PCDHB11: variants seen among roughly 807,000 people sequenced by gnomAD.
The protein encoded by PCDHB11 is protocadherin beta-11.
For missense variants in PCDHB11, 1,151 were observed against 1,003.4 expected (o/e 1.15, Z -1.99); for synonymous variants, 522 against 442.0 (o/e 1.18, Z -2.27).
chr5:141,201,883 C>T lies in PCDHB11; in HGVS notation c.2109C>T (p.Phe703=), dbSNP rs142976572. 7.8e-5 allele frequency: 126 copies of T among 1,612,372 alleles called. 1 individual carries two copies. Among genetic ancestry groups the T allele is most frequent in the Middle Eastern group, 1.8e-4 (1 of 5,564 alleles). Residue 703 remains phenylalanine, a synonymous_variant, in exon 1 of 1, where the codon TTC becomes TTT. Coordinates refer to ENST00000354757, the MANE Select transcript of PCDHB11 (RefSeq NM_018931.3). ...ALASVSSLFL[F]SVLLFVAVRL... is the part of the protein sequence containing the mutation. Reference sequence around the variant, plus strand: ...CCTCGGTGTCTTCGCTCTTCCTCTTCTCGGTGCTCCTGTTCGTGGCGGTGC... The same window carrying T: ...CCTCGGTGTCTTCGCTCTTCCTCTTTTCGGTGCTCCTGTTCGTGGCGGTGC...
rs1754139328 is a variant in PCDHB11 at position 141,200,312 on chromosome 5, A to G, written c.538A>G (p.Ile180Val). 6.2e-7 allele frequency: 1 copy of G among 1,614,204 alleles called. No homozygotes were observed. Among genetic ancestry groups the G allele is most frequent in the Non-Finnish European group, 8.5e-7 (1 of 1,180,034 alleles). Residue 180 changes from isoleucine to valine, a missense_variant, in exon 1 of 1, where the codon ATT becomes GTT. Transcript: ENST00000354757. ...YTISPNSHFHIKMRVIPDNRK... is the reference protein window; with the variant it reads ...YTISPNSHFHVKMRVIPDNRK... ...AATAAGCCCCAACTCTCATTTTCAC[A>G]TTAAAATGAGAGTCATTCCAGACAA...
Position 141,201,785 on chromosome 5 carries a change from C to T in PCDHB11, c.2011C>T (p.Leu671=). The change falls in exon 1 of 1, where the codon CTG becomes TTG. Residue 671 remains leucine, a synonymous_variant. Coordinates refer to ENST00000354757, the MANE Select transcript of PCDHB11 (RefSeq NM_018931.3). ...GGTGGACGGCTTCTCCCAGCCCTAC[C>T]TGCCGCTCCCTGAGGCGGCACCGGC... The part of the protein sequence containing the change: ...LLVDGFSQPY[L]PLPEAAPAQA... 6.2e-7 allele frequency: 1 copy of T among 1,610,006 alleles called. No homozygotes were observed. The highest frequency in any genetic ancestry group is 8.5e-7 in the Non-Finnish European group (1 of 1,179,782).
In PCDHB11 at chr5:141,201,807, C is replaced by G. The variant is rs141800205; in HGVS notation, c.2033C>G (p.Pro678Arg). The stretch of plus-strand genomic sequence containing the variant: ...TACCTGCCGCTCCCTGAGGCGGCAC[C>G]GGCCCAGGCCCAGGCCGACTCGCTC... Reference protein sequence around the residue: ...QPYLPLPEAAPAQAQADSLTV... With the variant: ...QPYLPLPEAARAQAQADSLTV... Residue 678 changes from proline to arginine, a missense_variant, in exon 1 of 1, where the codon CCG becomes CGG. By Grantham distance (103) the Pro-to-Arg change is moderately radical. Transcript: ENST00000354757. 6.2e-7 allele frequency: 1 copy of G among 1,610,424 alleles called. No homozygotes were observed. The highest frequency in any genetic ancestry group is 8.5e-7 in the Non-Finnish European group (1 of 1,179,810).
Position 141,201,254 on chromosome 5 carries a change from C to G in PCDHB11, c.1480C>G (p.Gln494Glu), listed in dbSNP as rs782744497. The change falls in exon 1 of 1, where the codon CAG (glutamine) becomes GAG (glutamate). Residue 494 changes from glutamine (Q) to glutamate (E), a missense_variant. Coordinates refer to ENST00000354757, the MANE Select transcript of PCDHB11 (RefSeq NM_018931.3). The stretch of plus-strand genomic sequence containing the variant: ...GGTCAACTACTCGCTACTCCCGCCC[C>G]AGGACCTGCACCTGCCCCTCGCCTC... ...AQVNYSLLPP[Q>E]DLHLPLASLV... 2.5e-6 allele frequency: 4 copies of G among 1,613,396 alleles called. No individual in the cohort carries two copies. Among genetic ancestry groups the G allele is most frequent in the Non-Finnish European group, 3.4e-6 (4 of 1,180,046 alleles).
chr5:141,202,189 G>T lies in PCDHB11; in HGVS notation c.*21G>T, dbSNP rs368764703. ...TTTAGTAAGAATGCTATTTACATTT[G>T]CATGTACTTTTTTAGTTTTATGTAA... On this transcript the variant is annotated 3_prime_UTR_variant, in exon 1 of 1. Transcript: ENST00000354757. 7.7e-6 allele frequency: 12 copies of T among 1,560,968 alleles called. No homozygotes were observed. The highest frequency in any genetic ancestry group is 2.3e-5 in the East Asian group (1 of 44,342).
rs1487929044 is a variant in PCDHB11 at position 141,203,514 on chromosome 5, A to G, written c.*1346A>G. ...ATTTATTCATTTAAAAAGCCACATC[A>G]TCTAGTTCTAAATCACAGCATTTAA... On this transcript the variant is annotated 3_prime_UTR_variant, in exon 1 of 1. Transcript: ENST00000354757. The G allele has an allele frequency of 2.0e-5, 3 of 152,196 alleles. No individual in the cohort carries two copies. The highest frequency in any genetic ancestry group is 4.4e-5 in the Non-Finnish European group (3 of 68,026). The allele number at this position is 152,196 out of a possible 1,614,324, so 9.4% of individuals were successfully genotyped here. A position where few individuals can be genotyped will look rare whatever the true frequency, so the allele number is the denominator to read the frequency against.
chr5:141,199,890 T>C lies in PCDHB11; in HGVS notation c.116T>C (p.Met39Thr), dbSNP rs781792515. 1 of 1,614,086 alleles carries C rather than the reference T, an allele frequency of 6.2e-7. No individual in the cohort carries two copies. Among genetic ancestry groups the C allele is most frequent in the Non-Finnish European group, 8.5e-7 (1 of 1,180,016 alleles). ...TGGAGCTTTTCTGTGGCAGAAGAAA[T>C]GCAGAGCGGGAGTTTTGTAGGCAAT... is the stretch of plus-strand genomic sequence containing the variant. ...ETWSFSVAEE[M>T]QSGSFVGNLA... Residue 39 changes from methionine (M) to threonine (T), a missense_variant, in exon 1 of 1, where the codon ATG becomes ACG. By Grantham distance (81) the Met-to-Thr change is moderately conservative (BLOSUM62 -1). Transcript: ENST00000354757.
rs1754188388 is a variant in PCDHB11, at chr5:141,201,465, C to T, written c.1691C>T (p.Pro564Leu). 2 of 1,610,566 alleles carry T rather than the reference C, an allele frequency of 1.2e-6. No individual in the cohort carries two copies. The highest frequency in any genetic ancestry group is 1.3e-5 in the African/African-American group (1 of 74,868). Residue 564 changes from proline to leucine, a missense_variant, in exon 1 of 1, where the codon CCG (proline) becomes CTG (leucine). By Grantham distance (98) the Pro-to-Leu change is moderately conservative. Coordinates refer to ENST00000354757, the MANE Select transcript of PCDHB11 (RefSeq NM_018931.3). ...ANDNSPFVLY[P>L]LQNGSAPCTE... ...GACAACTCGCCCTTCGTGCTGTACC[C>T]GCTGCAGAACGGCTCCGCGCCCTGC...
rs1754192195 is a variant in PCDHB11, at chr5:141,201,562, G to C, written c.1788G>C (p.Ser596=). 3 of 1,608,572 alleles carry C rather than the reference G, an allele frequency of 1.9e-6. No individual in the cohort carries two copies. The highest frequency in any genetic ancestry group is 2.5e-6 in the Non-Finnish European group (3 of 1,179,222). Residue 596 remains serine (S), a synonymous_variant, in exon 1 of 1, where the codon TCG becomes TCC. Transcript: ENST00000354757. The part of the protein sequence containing the change: ...VTKVVAVDGD[S]GQNAWLSYQL... ...AGGTGGTGGCGGTGGACGGCGACTC[G>C]GGCCAGAACGCCTGGCTGTCGTACC...
chr5:141,201,394 T>C lies in PCDHB11; in HGVS notation c.1620T>C (p.Ala540=). The stretch of plus-strand genomic sequence containing the variant: ...GCGCCACAGACCGCGGCTCCCCGGC[T>C]TTGAGCAGCGAGGCGCTGGTGCGCG... ...RVGATDRGSP[A]LSSEALVRVL... is the part of the protein sequence containing the mutation. The change falls in exon 1 of 1, where the codon GCT becomes GCC. Residue 540 remains alanine (A), a synonymous_variant. Coordinates refer to ENST00000354757, the MANE Select transcript of PCDHB11 (RefSeq NM_018931.3). 1.3e-6 allele frequency: 2 copies of C among 1,574,270 alleles called. No homozygotes were observed. Among genetic ancestry groups the C allele is most frequent in the Non-Finnish European group, 1.7e-6 (2 of 1,157,782 alleles).
Position 141,202,191 on chromosome 5 carries a change from A to G in PCDHB11, c.*23A>G. 1 of 1,558,266 alleles carries G rather than the reference A, an allele frequency of 6.4e-7. No homozygotes were observed. Among genetic ancestry groups the G allele is most frequent in the South Asian group, 1.2e-5 (1 of 81,924 alleles). On this transcript the variant is annotated 3_prime_UTR_variant, in exon 1 of 1. Coordinates refer to ENST00000354757, the MANE Select transcript of PCDHB11 (RefSeq NM_018931.3). ...TAGTAAGAATGCTATTTACATTTGC[A>G]TGTACTTTTTTAGTTTTATGTAACC...
Position 141,200,272 on chromosome 5 carries a change from T to C in PCDHB11, c.498T>C (p.Ala166=). The C allele has an allele frequency of 3.7e-6, 6 of 1,614,202 alleles. No individual in the cohort carries two copies. The highest frequency in any genetic ancestry group is 2.2e-5 in the East Asian group (1 of 44,874). ...SAKDLDVGIN[A]VKSYTISPNS... ...AGGATTTAGATGTAGGAATCAATGCTGTAAAAAGCTACACAATAAGCCCCA... is the reference window on the plus strand; with the variant it reads ...AGGATTTAGATGTAGGAATCAATGCCGTAAAAAGCTACACAATAAGCCCCA... Residue 166 remains alanine (A), a synonymous_variant, in exon 1 of 1, where the codon GCT becomes GCC. Transcript: ENST00000354757.
In PCDHB11 at chr5:141,200,823, C is replaced by T. The variant is rs137981440; in HGVS notation, c.1049C>T (p.Ser350Leu). 41 of 1,614,050 alleles carry T rather than the reference C, an allele frequency of 2.5e-5. No homozygotes were observed. Among genetic ancestry groups the T allele is most frequent in the African/African-American group, 1.3e-5 (1 of 74,912 alleles). ...GACAATGCTCCTGAAATCACTGTGTCATCAATTACCAGTCCAATCCCAGAA... is the reference window on the plus strand; with the variant it reads ...GACAATGCTCCTGAAATCACTGTGTTATCAATTACCAGTCCAATCCCAGAA... Reference protein sequence around the residue: ...VNDNAPEITVSSITSPIPENT... With the variant: ...VNDNAPEITVLSITSPIPENT... The change falls in exon 1 of 1, where the codon TCA (serine) becomes TTA (leucine). Residue 350 changes from serine (S) to leucine (L), a missense_variant. Physicochemically the swap from Ser to Leu is moderately radical, Grantham distance 145 (BLOSUM62 -2). Coordinates refer to ENST00000354757, the MANE Select transcript of PCDHB11 (RefSeq NM_018931.3).
chr5:141,200,395 G>A lies in PCDHB11; in HGVS notation c.621G>A (p.Glu207=), dbSNP rs782505991. Residue 207 remains glutamate, a synonymous_variant, in exon 1 of 1, where the codon GAG becomes GAA. Transcript: ENST00000354757. The stretch of plus-strand genomic sequence containing the variant: ...CGCTGGATTATGAAGAGCTCCCGGA[G>A]CTCAGTTTCATCCTCTCTGCTCTGG... ...DKALDYEELP[E]LSFILSALDG... 2 of 1,614,176 alleles carry A rather than the reference G, an allele frequency of 1.2e-6. No homozygotes were observed. Among genetic ancestry groups the A allele is most frequent in the Admixed American group, 1.7e-5 (1 of 60,022 alleles).
At position 141,202,778 on chromosome 5, in the gene PCDHB11, C is replaced by T. The variant is rs1182866549; in HGVS notation, c.*610C>T. ...AGGCGTGCGCCACCATGCCCGGCTACTTCTTGTATTTTTTGTAGAGACGGA... is the reference window on the plus strand; with the variant it reads ...AGGCGTGCGCCACCATGCCCGGCTATTTCTTGTATTTTTTGTAGAGACGGA... On this transcript the variant is annotated 3_prime_UTR_variant, in exon 1 of 1. Coordinates refer to ENST00000354757, the MANE Select transcript of PCDHB11 (RefSeq NM_018931.3). 2.0e-5 allele frequency: 3 copies of T among 152,058 alleles called. No individual in the cohort carries two copies. Among genetic ancestry groups the T allele is most frequent in the East Asian group, 1.9e-4 (1 of 5,142 alleles). 9.4% of individuals were successfully genotyped at this position (152,058 alleles called of 1,614,324 possible). A position where few individuals can be genotyped will look rare whatever the true frequency, so the allele number is the denominator to read the frequency against.
chr5:141,201,986 G>T lies in PCDHB11; in HGVS notation c.2212G>T (p.Asp738Tyr), dbSNP rs1457908437. Residue 738 changes from aspartate (D) to tyrosine (Y), a missense_variant, in exon 1 of 1, where the codon GAC becomes TAC. Coordinates refer to ENST00000354757, the MANE Select transcript of PCDHB11 (RefSeq NM_018931.3). ...PKGPFPGHLV[D>Y]VSGTGTLSQS... The stretch of plus-strand genomic sequence containing the variant: ...GGGCCCCTTTCCAGGGCATCTGGTG[G>T]ACGTGAGCGGCACCGGGACCCTTTC... 1 of 1,614,068 alleles carries T rather than the reference G, an allele frequency of 6.2e-7. No homozygotes were observed. Among genetic ancestry groups the T allele is most frequent in the Non-Finnish European group, 8.5e-7 (1 of 1,180,034 alleles).
At position 141,199,878 on chromosome 5, in the gene PCDHB11, T is replaced by A. The variant is rs1400355531; in HGVS notation, c.104T>A (p.Val35Glu). Reference sequence around the variant, plus strand: ...GGCTCTGAAACCTGGAGCTTTTCTGTGGCAGAAGAAATGCAGAGCGGGAGT... The same window carrying A: ...GGCTCTGAAACCTGGAGCTTTTCTGAGGCAGAAGAAATGCAGAGCGGGAGT... ...QAGSETWSFS[V>E]AEEMQSGSFV... Residue 35 changes from valine (V) to glutamate (E), a missense_variant, in exon 1 of 1, where the codon GTG (valine) becomes GAG (glutamate). Physicochemically the swap from Val to Glu is moderately radical, Grantham distance 121. Transcript: ENST00000354757. The A allele has an allele frequency of 1.9e-6, 3 of 1,614,010 alleles. No homozygotes were observed. The highest frequency in any genetic ancestry group is 2.5e-6 in the Non-Finnish European group (3 of 1,180,034).
At position 141,200,707 on chromosome 5, in the gene PCDHB11, G is replaced by A. The variant is rs782628967; in HGVS notation, c.933G>A (p.Thr311=). ...TAAGAGCACCTCTGGATTTTGAAACGATTGAGTCATACTCAATAATCATTC... is the reference window on the plus strand; with the variant it reads ...TAAGAGCACCTCTGGATTTTGAAACAATTGAGTCATACTCAATAATCATTC... The part of the protein sequence containing the change: ...ITLRAPLDFE[T]IESYSIIIQA... Residue 311 remains threonine, a synonymous_variant, in exon 1 of 1, where the codon ACG becomes ACA. Coordinates refer to ENST00000354757, the MANE Select transcript of PCDHB11 (RefSeq NM_018931.3). 8 of 1,614,010 alleles carry A rather than the reference G, an allele frequency of 5.0e-6. No homozygotes were observed. The South Asian group carries it at 7.7e-5, about 16-fold the overall frequency.
rs782685889 is a variant in PCDHB11 at position 141,202,122 on chromosome 5, G to A, written c.2348G>A (p.Ser783Asn). 8 of 1,613,326 alleles carry A rather than the reference G, an allele frequency of 5.0e-6. No individual in the cohort carries two copies. Among genetic ancestry groups the A allele is most frequent in the South Asian group, 1.1e-5 (1 of 90,980 alleles). The change falls in exon 1 of 1, where the codon AGT (serine) becomes AAT (asparagine). Residue 783 changes from serine (S) to asparagine (N), a missense_variant. Coordinates refer to ENST00000354757, the MANE Select transcript of PCDHB11 (RefSeq NM_018931.3). ...NIQAKGLGKN[S>N]EENSTFRNSF... ...CAGGCAAAAGGTCTTGGGAAGAATAGTGAAGAAAACTCCACCTTTCGAAAT... is the reference window on the plus strand; with the variant it reads ...CAGGCAAAAGGTCTTGGGAAGAATAATGAAGAAAACTCCACCTTTCGAAAT...
Sources: gnomAD v4.1 joint callset for allele counts on GRCh38, gnomAD v4.1.1 for gene constraint, MANE v1.5 for transcripts, NCBI Gene and HGNC (gene_info 2026-07-23, HGNC 2026-07-21) for gene names.